Variants in ANKFN1 observed in about 807,000 individuals in gnomAD.
ANKFN1 encodes ankyrin repeat and fibronectin type III domain containing 1, also known as ankyrin repeat and fibronectin type-III domain-containing protein 1.
Under a neutral mutation model 108.7 loss-of-function variants are expected in ANKFN1, and 74 were observed. The ratio of observed to expected loss-of-function variants is 0.68; its 90% CI spans 0.56 to 0.83. The LOEUF is 0.83. ANKFN1 is among the 40% of genes least tolerant of loss of function. ANKFN1 has a pLI of 0.00. For synonymous variants in ANKFN1, 547 were observed against 516.2 expected, an observed-to-expected ratio of 1.06 and a Z score of -0.81; for missense variants, 1,505 against 1,382.3, an observed-to-expected ratio of 1.09 and a Z score of -1.41.
chr17:56,071,953 C>T (rs932954571), intron 4 of ANKFN1, among the ~76,000 whole-genome samples: 8 of 152,234 alleles, frequency 5.3e-5, no homozygotes, highest in Non-Finnish European at 7.3e-5. Flanking sequence ...TCTGGGCCCT[C>T]CGGGCACAGC....
At chr17:56,085,376 G>A (rs770049495) in intron 4 of ANKFN1, among the ~76,000 whole-genome samples, 1 of 150,640 alleles carries the variant, frequency 6.6e-6, no homozygotes, top group Non-Finnish European at 1.5e-5. Context: ...ATAGGAATAG[G>A]CCATGTGAAA....
intron 1 of ANKFN1, among the ~76,000 whole-genome samples, chr17:56,207,994 C>T (rs1914670752): frequency 2.6e-5 from 4 of 152,114 alleles, no homozygotes; most frequent in Admixed American, 2.6e-4. Flanking sequence ...GACTGGCTTT[C>T]CTTAGTCAAG....
At chr17:56,458,235 G>A (rs1019484726) in intron 14 of ANKFN1, among the ~76,000 whole-genome samples, 5 of 152,088 alleles carry the variant, frequency 3.3e-5, no homozygotes, top group Non-Finnish European at 5.9e-5. Flanking sequence ...ATTAAACAAG[G>A]AGTAAGGAGA....
intron 4 of ANKFN1, among the ~76,000 whole-genome samples, chr17:56,345,849 T>C (rs1245935894): frequency 6.6e-6 from 1 of 152,184 alleles, no homozygotes; most frequent in Non-Finnish European, 1.5e-5. Flanking sequence ...GCCTCTTCAC[T>C]CTGATGATAG....
intron 1 of ANKFN1, among the ~76,000 whole-genome samples, chr17:56,166,708 C>T (rs1354684032): frequency 6.6e-6 from 1 of 152,084 alleles, no homozygotes; most frequent in Non-Finnish European, 1.5e-5. Context: ...AGGTGAGTTC[C>T]ACTCTCCCTT....
chr17:56,421,741 C>T (rs935033561), intron 8 of ANKFN1, among the ~76,000 whole-genome samples: 4 of 152,122 alleles, frequency 2.6e-5, no homozygotes, highest in African/African-American at 9.7e-5. Flanking sequence ...AAGGATTTTT[C>T]ATATCATTAT....
At chr17:56,246,891 C>T (rs1235314478) in intron 3 of ANKFN1, among the ~76,000 whole-genome samples, 1 of 152,140 alleles carries the variant, frequency 6.6e-6, no homozygotes, top group Non-Finnish European at 1.5e-5. Flanking sequence ...TTCCCAGTTA[C>T]ATCTTCCCTT....
At chr17:56,298,076 A>G (rs945641598) in intron 3 of ANKFN1, among the ~76,000 whole-genome samples, 3 of 152,192 alleles carry the variant, frequency 2.0e-5, no homozygotes, top group African/African-American at 2.4e-5. Flanking sequence ...AAAAATGCCA[A>G]TTCTCAGGCC....
At position 56,140,250 on chromosome 17, in the gene ANKFN1, C is replaced by T. The variant is rs976903717; in HGVS notation, c.289-87667C>T. 2.6e-5 allele frequency among the ~76,000 whole-genome samples: 4 copies of T among 152,114 alleles called. No homozygotes were observed. In the South Asian group the frequency reaches 8.3e-4, roughly 32 times the overall value. ...ACCTTTTTTTTCATATCTAGTTAGT[C>T]ACCAATTTGTGTCAATTCCTCACTT... is the stretch of plus-strand genomic sequence containing the variant. On this transcript the variant is annotated intron_variant, in intron 4 of 12. Transcript: ENST00000635860.
intron 8 of ANKFN1, among the ~76,000 whole-genome samples, chr17:56,405,040 C>T (rs1167949379): frequency 6.6e-6 from 1 of 152,196 alleles, no homozygotes; most frequent in Admixed American, 6.5e-5. Flanking sequence ...CCATGGATAC[C>T]AGCACCTGTT....
At chr17:56,392,753 T>A (rs2047477126) in intron 8 of ANKFN1, among the ~76,000 whole-genome samples, 1 of 152,218 alleles carries the variant, frequency 6.6e-6, no homozygotes, top group Non-Finnish European at 1.5e-5. Flanking sequence ...TCTGGCTTTC[T>A]CAATCTCAGG....
chr17:56,456,419 T>TC (rs1158562323), intron 11 of ANKFN1, among the ~76,000 whole-genome samples: 4 of 149,636 alleles, frequency 2.7e-5, no homozygotes, highest in Non-Finnish European at 5.9e-5. Context: ...TTTTTTTTTT[T>TC]TTGATACGGA....
chr17:56,275,891 T>C (rs972712444), intron 3 of ANKFN1, among the ~76,000 whole-genome samples: 1 of 152,202 alleles, frequency 6.6e-6, no homozygotes, highest in African/African-American at 2.4e-5. Context: ...CTTTAAGTTC[T>C]AGGGTACATG....
intron 10 of ANKFN1, among the ~76,000 whole-genome samples, chr17:56,443,553 A>G (rs1041596951): frequency 6.6e-5 from 10 of 152,132 alleles, no homozygotes; most frequent in African/African-American, 1.9e-4. Flanking sequence ...ACACATCCAC[A>G]TCGACCTGAT....
chr17:56,374,844 G>T (rs1029241754), intron 8 of ANKFN1, 130 bp downstream of exon 8: 3 of 711,640 alleles, frequency 4.2e-6, no homozygotes, highest in East Asian at 2.8e-5. Context: ...GACTTTTGAA[G>T]TTGAAATATT....
intron 4 of ANKFN1, among the ~76,000 whole-genome samples, chr17:56,047,846 C>A (rs1297434415): frequency 6.6e-6 from 1 of 152,132 alleles, no homozygotes; most frequent in Non-Finnish European, 1.5e-5. Flanking sequence ...GTTGAGAAGA[C>A]CTAATTTAAG....
intron 3 of ANKFN1, among the ~76,000 whole-genome samples, chr17:56,308,661 C>A (rs956316163): frequency 6.6e-6 from 1 of 152,064 alleles, no homozygotes; most frequent in African/African-American, 2.4e-5. Context: ...TAGGGGGAAG[C>A]ATTGTCTTTT....
chr17:56,226,272 C>G (rs370488808), intron 2 of ANKFN1, among the ~76,000 whole-genome samples: 16 of 151,982 alleles, frequency 1.1e-4, no homozygotes, highest in African/African-American at 3.9e-4. Context: ...GAGATCTTGT[C>G]GGGTCAAACT....
At chr17:56,498,755 TA>T in intron 19 of ANKFN1, 126 bp from the exon 20 acceptor site, 2 of 749,768 alleles carry the variant, frequency 2.7e-6, no homozygotes, top group Non-Finnish European at 4.2e-6. Flanking sequence ...AAATCTATGT[TA>T]AAAATATTTT....
Sources: gnomAD v4.1 joint callset for allele counts (sites outside exome capture counted in the v4.1 genomes callset) on GRCh38, gnomAD v4.1.1 for gene constraint, MANE v1.5 for transcripts, NCBI Gene and HGNC (gene_info 2026-07-23, HGNC 2026-07-21) for gene names.